The following NCAPH2 variants were observed in gnomAD, a reference collection of about 807,000 sequenced individuals.
The protein encoded by NCAPH2 is non-SMC condensin II complex subunit H2.
A neutral mutation model predicts 88.6 loss-of-function variants in NCAPH2; 56 were observed. The observed-to-expected ratio is 0.63, with a 90% CI of 0.51 to 0.79. The LOEUF is 0.79. NCAPH2 is among the 30% of genes least tolerant of loss of function. The pLI is 0.00. For synonymous variants in NCAPH2, 378 were observed against 313.6 expected, an observed-to-expected ratio of 1.21 and a Z score of -2.17; for missense variants, 794 against 792.0, an observed-to-expected ratio of 1.00 and a Z score of -0.03.
chr22:50,521,405 C>T, intron 10 of NCAPH2, 138 bp from the exon 11 acceptor site: 1 of 887,308 alleles, frequency 1.1e-6, no homozygotes, highest in Admixed American at 1.9e-5. Context: ...GCTGTGCACC[C>T]CCTACTCCTC....
At chr22:50,518,814 A>T (rs906684345) in intron 8 of NCAPH2, 82 bp downstream of exon 8, 18 of 1,344,440 alleles carry the variant, frequency 1.3e-5, no homozygotes, top group Admixed American at 1.3e-4. Context: ...ACAGGGCTCC[A>T]AGGGGCTGCT....
In NCAPH2 at chr22:50,524,472, A is replaced by G. The variant is rs1249993569; in HGVS notation, c.*1097A>G. 6.4e-7 allele frequency: 1 copy of G among 1,551,220 alleles called. No individual in the cohort carries two copies. On this transcript the variant is annotated 3_prime_UTR_variant, in exon 20 of 20. Coordinates refer to ENST00000420993, the MANE Select transcript of NCAPH2 (RefSeq NM_152299.4). ...GGAGCCAGAAGGGAAGGCCCAGGAC[A>G]GTGCCTGGGCTGCCCCTGCGACTTG...
At chr22:50,513,171 T>A (rs1156238946) in intron 1 of NCAPH2, among the ~76,000 whole-genome samples, 1 of 152,264 alleles carries the variant, frequency 6.6e-6, no homozygotes, top group Non-Finnish European at 1.5e-5. Flanking sequence ...TGAATGATAG[T>A]GGTTCCTGGC....
Position 50,523,590 on chromosome 22 carries a change from T to C in NCAPH2, c.*215T>C, listed in dbSNP as rs781421518. 1.2e-6 allele frequency: 2 copies of C among 1,612,060 alleles called. No homozygotes were observed. Among genetic ancestry groups the C allele is most frequent in the Non-Finnish European group, 1.7e-6 (2 of 1,179,524 alleles). On this transcript the variant is annotated 3_prime_UTR_variant, in exon 20 of 20. Transcript: ENST00000420993. ...AGATTAAACGCAGCCCGTTTAATGA[T>C]GGGGCCCAGACTGCAGTGGCTCAAG...
At chr22:50,519,418 CTTGGCCCCAGACCACTG>C in intron 9 of NCAPH2, 98 bp downstream of exon 9, 1 of 1,517,916 alleles carries the variant, frequency 6.6e-7, no homozygotes, top group Non-Finnish European at 8.8e-7. Flanking sequence ...GTGGTATGGC[CTTGGCCCCAGACCACTG>C]GTCTGGGGCA....
intron 1 of NCAPH2, among the ~76,000 whole-genome samples, chr22:50,511,895 C>T (rs2148656630): frequency 6.6e-6 from 1 of 152,310 alleles, no homozygotes; most frequent in South Asian, 2.1e-4. Flanking sequence ...GATCCACCCG[C>T]CTCGGCCTCC....
At chr22:50,517,406 C>T (rs766001548) in intron 2 of NCAPH2, 21 bp from the exon 3 acceptor site, 1 of 1,613,886 alleles carries the variant, frequency 6.2e-7, no homozygotes, top group South Asian at 1.1e-5. Context: ...TGGGTCCTCA[C>T]TGCCTGCATC....
intron 1 of NCAPH2, among the ~76,000 whole-genome samples, chr22:50,515,050 T>G (rs2068878135): frequency 6.6e-6 from 1 of 152,230 alleles, no homozygotes; most frequent in Admixed American, 6.5e-5. Flanking sequence ...AAATATTTAC[T>G]GGACACCAGT....
At chr22:50,512,059 T>G (rs1300864567) in intron 1 of NCAPH2, among the ~76,000 whole-genome samples, 1 of 152,208 alleles carries the variant, frequency 6.6e-6, no homozygotes, top group African/African-American at 2.4e-5. Context: ...GTGCTGGGAT[T>G]GCAGGTGTGA....
chr22:50,524,120 C>G lies in NCAPH2; in HGVS notation c.*745C>G. On this transcript the variant is annotated 3_prime_UTR_variant, in exon 20 of 20. Transcript: ENST00000420993. ...AGGTGGAAGTCGCCCTGGCCCACAG[C>G]TGCCTGGCGCAGGGCTTCTGTTCGC... 6.2e-7 allele frequency: 1 copy of G among 1,612,798 alleles called. No homozygotes were observed. The highest frequency in any genetic ancestry group is 8.5e-7 in the Non-Finnish European group (1 of 1,180,020).
Position 50,518,220 on chromosome 22 carries a change from A to G in NCAPH2, c.588A>G (p.Pro196=). Residue 196 remains proline (P), a synonymous_variant, in exon 7 of 20, where the codon CCA becomes CCG. Transcript: ENST00000420993. ...PHPRGAFMLE[P]EGMSPMEPAG... ...CCAGAGGGGCCTTCATGTTGGAGCC[A>G]GAGGGCATGTCCCCCATGGAACCAG... is the stretch of plus-strand genomic sequence containing the variant. 2 of 1,614,002 alleles carry G rather than the reference A, an allele frequency of 1.2e-6. No homozygotes were observed. Among genetic ancestry groups the G allele is most frequent in the Non-Finnish European group, 1.7e-6 (2 of 1,180,016 alleles).
At chr22:50,520,937 A>T in intron 9 of NCAPH2, 28 bp from the exon 10 acceptor site, 1 of 1,550,106 alleles carries the variant, frequency 6.5e-7, no homozygotes, top group Non-Finnish European at 8.7e-7. Context: ...AAAGAGGAGA[A>T]GTGGGGACCC....
chr22:50,508,500 G>T (rs2068688892), intron 1 of NCAPH2, 55 bp downstream of exon 1: 4 of 937,568 alleles, frequency 4.3e-6, no homozygotes, highest in Non-Finnish European at 4.4e-6. Context: ...GCTGCGGGGC[G>T]GGGGCTCCGG....
Position 50,523,581 on chromosome 22 carries a change from G to A in NCAPH2, c.*206G>A, listed in dbSNP as rs368257762. 3.4e-5 allele frequency: 55 copies of A among 1,610,418 alleles called. No individual in the cohort carries two copies. Among genetic ancestry groups the A allele is most frequent in the African/African-American group, 1.7e-4 (13 of 74,858 alleles). Reference sequence around the variant, plus strand: ...CACACACACAGATTAAACGCAGCCCGTTTAATGATGGGGCCCAGACTGCAG... The same window carrying A: ...CACACACACAGATTAAACGCAGCCCATTTAATGATGGGGCCCAGACTGCAG... On this transcript the variant is annotated 3_prime_UTR_variant, in exon 20 of 20. Transcript: ENST00000420993.
chr22:50,509,819 T>C (rs2068737087), intron 1 of NCAPH2, among the ~76,000 whole-genome samples: 1 of 152,232 alleles, frequency 6.6e-6, no homozygotes, highest in African/African-American at 2.4e-5. Flanking sequence ...TTGGGCTGTT[T>C]TGTATCTTGT....
intron 1 of NCAPH2, among the ~76,000 whole-genome samples, chr22:50,511,115 G>A (rs1445780172): frequency 6.6e-6 from 1 of 150,528 alleles, no homozygotes; most frequent in East Asian, 2.0e-4. Context: ...CAAAGTGCTG[G>A]GATTACAGGC....
chr22:50,522,417 T>C lies in NCAPH2; in HGVS notation c.1306+2T>C, dbSNP rs1333786234. ...CCCTGGAAGACCTGGGGGCAGCAGG[T>C]GGGTGCCTGCCAGGGGGTGGGGTGG... On this transcript the variant is annotated splice_donor_variant, in intron 15 of 19. Transcript: ENST00000420993. LOFTEE classifies it high-confidence loss of function. The C allele has an allele frequency of 3.1e-6, 5 of 1,610,994 alleles. No homozygotes were observed. The South Asian group carries it at 5.5e-5, about 18-fold the overall frequency.
intron 9 of NCAPH2, 29 bp downstream of exon 9, chr22:50,519,349 C>T (rs780904687): frequency 2.5e-6 from 4 of 1,609,216 alleles, no homozygotes; most frequent in Admixed American, 1.7e-5. Flanking sequence ...CCTGCAGAAC[C>T]TGAGCTGTGA....
At chr22:50,512,833 A>G (rs1285658939) in intron 1 of NCAPH2, among the ~76,000 whole-genome samples, 3 of 152,170 alleles carry the variant, frequency 2.0e-5, no homozygotes, top group Non-Finnish European at 2.9e-5. Flanking sequence ...GGTGTGAGCC[A>G]TTGCACTGGC....
Sources: gnomAD v4.1 joint callset for allele counts (sites outside exome capture counted in the v4.1 genomes callset) on GRCh38, gnomAD v4.1.1 for gene constraint, MANE v1.5 for transcripts, NCBI Gene and HGNC (gene_info 2026-07-23, HGNC 2026-07-21) for gene names.